Variants in IL1RAPL2 observed in about 807,000 individuals in gnomAD.
IL1RAPL2 encodes X-linked interleukin-1 receptor accessory protein-like 2.
In IL1RAPL2, 3 loss-of-function variants were observed where a neutral mutation model predicts 44.1. The ratio of observed to expected loss-of-function variants is 0.07; its 90% CI spans 0.03 to 0.18. IL1RAPL2 has a LOEUF of 0.18. Ranked by LOEUF, IL1RAPL2 falls within the 10% of genes least tolerant of loss-of-function variation. The probability of loss-of-function intolerance (pLI) is 1.00; values close to 1 mark genes in which losing one functional copy is unlikely to be tolerated. For synonymous variants in IL1RAPL2, 181 were observed against 178.8 expected (o/e 1.01, Z -0.10); for missense variants, 391 against 496.4 (o/e 0.79, Z 2.02).
rs201176266 is a variant in IL1RAPL2 at position 105,478,554 on chromosome X, T to TA, written c.698-5750dup. Among the ~76,000 whole-genome samples, 1,055 of 109,503 alleles carry TA rather than the reference T, an allele frequency of 9.6e-3. 33 individuals are homozygous for TA. The highest frequency in any genetic ancestry group is 0.077 in the Admixed American group (789 of 10,188). On this transcript the variant is annotated intron_variant, in intron 5 of 10. Transcript: ENST00000372582. ...TACAACACAATAAAAGAAAACATAT[T>TA]AAAAAAAAACAACAAAACCAGTTCA...
intron 2 of IL1RAPL2, among the ~76,000 whole-genome samples, chrX:105,047,917 G>A (rs1007406585): frequency 9.0e-6 from 1 of 111,563 alleles, no homozygotes; most frequent in African/African-American, 3.3e-5. Context: ...AGTAGATTGA[G>A]GGAAAAGAAG....
chrX:104,651,267 T>A (rs1344103981), intron 1 of IL1RAPL2, among the ~76,000 whole-genome samples: 2 of 112,127 alleles, frequency 1.8e-5, no homozygotes, highest in African/African-American at 3.2e-5. Context: ...ATTTCCCTAT[T>A]CACAGTCAAA....
At chrX:104,714,282 A>C (rs1931514448) in intron 2 of IL1RAPL2, among the ~76,000 whole-genome samples, 1 of 110,633 alleles carries the variant, frequency 9.0e-6, no homozygotes, top group Non-Finnish European at 1.9e-5. Context: ...CATTATTTTG[A>C]GTTATGTTCC....
intron 6 of IL1RAPL2, among the ~76,000 whole-genome samples, chrX:105,513,910 G>A (rs375489702): frequency 9.0e-6 from 1 of 111,071 alleles, no homozygotes; most frequent in Admixed American, 9.6e-5. Flanking sequence ...TAAGTCTTAC[G>A]TTTAAGTCTT....
intron 2 of IL1RAPL2, among the ~76,000 whole-genome samples, chrX:105,075,502 T>G (rs2147542129): frequency 8.9e-6 from 1 of 111,750 alleles, no homozygotes; most frequent in African/African-American, 3.3e-5. Context: ...TCTCAAATTC[T>G]CTTTTTTAGT....
chrX:105,140,085 G>A lies in IL1RAPL2; in HGVS notation c.83-55390G>A, dbSNP rs185692564. ...TAAAATTGATGACCTCCGACCTGAG[G>A]AAGTTTATAGTTCAATTAAAGAATA... On this transcript the variant is annotated intron_variant, in intron 2 of 10. Transcript: ENST00000372582. 1.9e-4 allele frequency among the ~76,000 whole-genome samples: 21 copies of A among 112,287 alleles called. No individual in the cohort carries two copies. In the East Asian group the frequency reaches 5.6e-3, roughly 30 times the overall value.
At chrX:105,556,768 A>G (rs905768737) in intron 6 of IL1RAPL2, among the ~76,000 whole-genome samples, 1 of 112,023 alleles carries the variant, frequency 8.9e-6, no homozygotes. Context: ...TTTGCTCACC[A>G]CATTTTATTA....
chrX:105,459,823 A>G (rs1345977717), intron 5 of IL1RAPL2, among the ~76,000 whole-genome samples: 1 of 111,599 alleles, frequency 9.0e-6, no homozygotes, highest in Non-Finnish European at 1.9e-5. Context: ...AGCTGGGATC[A>G]TTATCCAAAC....
intron 2 of IL1RAPL2, among the ~76,000 whole-genome samples, chrX:104,673,349 T>C (rs1478744722): frequency 9.0e-6 from 1 of 111,486 alleles, no homozygotes; most frequent in Non-Finnish European, 1.9e-5. Flanking sequence ...ATTTATTAAA[T>C]AGGGAATCCT....
intron 1 of IL1RAPL2, among the ~76,000 whole-genome samples, chrX:104,575,731 C>T (rs756301340): frequency 3.6e-5 from 4 of 111,433 alleles, no homozygotes; most frequent in Non-Finnish European, 3.8e-5. Flanking sequence ...CTGACTTTTT[C>T]CCCTATACAC....
intron 6 of IL1RAPL2, among the ~76,000 whole-genome samples, chrX:105,665,726 G>GTTTT (rs745949698): frequency 5.3e-5 from 4 of 75,205 alleles, no homozygotes; most frequent in African/African-American, 2.1e-4. Flanking sequence ...TTTTATTTTT[G>GTTTT]TTTTTTTGTT....
intron 6 of IL1RAPL2, among the ~76,000 whole-genome samples, chrX:105,615,166 A>C (rs1022843776): frequency 8.9e-6 from 1 of 111,886 alleles, no homozygotes; most frequent in Non-Finnish European, 1.9e-5. Flanking sequence ...TTTTATCCAA[A>C]AGACAGCCAA....
intron 2 of IL1RAPL2, among the ~76,000 whole-genome samples, chrX:105,028,226 A>C (rs1207436089): frequency 9.0e-6 from 1 of 111,382 alleles, no homozygotes; most frequent in Non-Finnish European, 1.9e-5. Flanking sequence ...TAATGGGTAC[A>C]AAAAATAGTT....
intron 2 of IL1RAPL2, among the ~76,000 whole-genome samples, chrX:104,893,785 C>T (rs960071707): frequency 3.6e-5 from 4 of 111,483 alleles, no homozygotes; most frequent in African/African-American, 1.3e-4. Flanking sequence ...AGCCCATTTA[C>T]GTTTAAGGTT....
intron 6 of IL1RAPL2, among the ~76,000 whole-genome samples, chrX:105,513,168 T>C (rs924490770): frequency 4.5e-5 from 5 of 111,775 alleles, no homozygotes; most frequent in Non-Finnish European, 7.5e-5. Context: ...CAGTCTATCA[T>C]TGATGGACAT....
At chrX:105,609,039 C>T (rs959270596) in intron 6 of IL1RAPL2, among the ~76,000 whole-genome samples, 4 of 111,432 alleles carry the variant, frequency 3.6e-5, no homozygotes, top group Admixed American at 9.6e-5. Flanking sequence ...TTTCACACCC[C>T]TTGTGCCATA....
At chrX:105,448,436 C>G (rs1393692704) in intron 5 of IL1RAPL2, among the ~76,000 whole-genome samples, 1 of 108,934 alleles carries the variant, frequency 9.2e-6, no homozygotes. Context: ...GCAATCTTGC[C>G]TTACTGCAAT....
intron 5 of IL1RAPL2, among the ~76,000 whole-genome samples, chrX:105,293,116 C>CAAAAAAAAAAA (rs10566162): frequency 2.0e-5 from 1 of 50,855 alleles, no homozygotes; most frequent in African/African-American, 5.8e-5. Context: ...CGACTCTGTC[C>CAAAAAAAAAAA]AAAAAAAAAA....
chrX:104,952,584 G>T (rs905874704), intron 2 of IL1RAPL2, among the ~76,000 whole-genome samples: 6 of 111,451 alleles, frequency 5.4e-5, no homozygotes, highest in African/African-American at 2.0e-4. Context: ...CAGAAGAGAA[G>T]AACTTTTGGG....
Sources: allele counts gnomAD v4.1 joint callset (sites outside exome capture counted in the v4.1 genomes callset), GRCh38; gene constraint gnomAD v4.1.1; transcripts MANE v1.5; gene names NCBI Gene and HGNC (gene_info 2026-07-23, HGNC 2026-07-21).